Variants in POU6F2 observed in about 807,000 individuals in gnomAD.
POU6F2 encodes POU class 6 homeobox 2.
In POU6F2, 31 loss-of-function variants were observed where a neutral mutation model predicts 71.3. The observed-to-expected ratio is 0.43, with a 90% CI of 0.33 to 0.59. The LOEUF is 0.59. Among genes scored for constraint, POU6F2 ranks in the 20% least tolerant of loss-of-function variants. POU6F2 has a pLI of 0.04. For missense variants in POU6F2, 783 were observed against 856.8 expected (o/e 0.91, Z 1.07); for synonymous variants, 347 against 355.7 (o/e 0.98, Z 0.27).
At position 39,460,011 on chromosome 7, in the gene POU6F2, G is replaced by A. The variant is rs942023608; in HGVS notation, c.1490-536G>A. 2.0e-5 allele frequency among the ~76,000 whole-genome samples: 3 copies of A among 152,134 alleles called. No individual in the cohort carries two copies. The highest frequency in any genetic ancestry group is 2.0e-4 in the Admixed American group (3 of 15,276). ...GCATGCTCTTCTGAGGGACTAATGTGAATGTAAGAAATTAGGCAACATTAT... is the reference window on the plus strand; with the variant it reads ...GCATGCTCTTCTGAGGGACTAATGTAAATGTAAGAAATTAGGCAACATTAT... On this transcript the variant is annotated intron_variant, in intron 8 of 9. Transcript: ENST00000518318. This position sits in a 1 kb window ranked among gnomAD's most constrained non-coding sequence, Gnocchi z 4.4.
At chr7:39,056,900 C>T (rs1790540802) in intron 1 of POU6F2, among the ~76,000 whole-genome samples, 1 of 152,088 alleles carries the variant, frequency 6.6e-6, no homozygotes, top group South Asian at 2.1e-4. Flanking sequence ...GGAATGCTCC[C>T]TGAAAACATA....
chr7:39,085,577 G>GTTTTT (rs201365898), intron 1 of POU6F2, among the ~76,000 whole-genome samples: 1 of 141,292 alleles, frequency 7.1e-6, no homozygotes, highest in Non-Finnish European at 1.6e-5. Flanking sequence ...TTTCAAAGAA[G>GTTTTT]TTTTTTTTTT....
chr7:38,995,192 G>T (rs2128697608), intron 1 of POU6F2, among the ~76,000 whole-genome samples: 1 of 152,266 alleles, frequency 6.6e-6, no homozygotes, highest in East Asian at 1.9e-4. Context: ...AGATTCCTTG[G>T]GAATTCATGA....
At chr7:39,233,675 A>G (rs1198876398) in intron 4 of POU6F2, among the ~76,000 whole-genome samples, 2 of 152,176 alleles carry the variant, frequency 1.3e-5, no homozygotes, top group Non-Finnish European at 2.9e-5. Flanking sequence ...GCCACTGGCC[A>G]GAGTCCTGTG....
intron 2 of POU6F2, 133 bp from the exon 3 acceptor site, chr7:39,204,102 C>T: frequency 1.3e-6 from 1 of 746,780 alleles, no homozygotes; most frequent in South Asian, 1.6e-5. Context: ...ATTATGTATG[C>T]AGTTGATAAG....
chr7:39,007,856 T>C (rs1401150365), intron 1 of POU6F2, among the ~76,000 whole-genome samples: 1 of 151,620 alleles, frequency 6.6e-6, no homozygotes, highest in African/African-American at 2.4e-5. Flanking sequence ...GGACATGAAC[T>C]CATCATTTTT....
At chr7:39,021,163 G>A (rs1789672261) in intron 1 of POU6F2, among the ~76,000 whole-genome samples, 1 of 151,530 alleles carries the variant, frequency 6.6e-6, no homozygotes, top group African/African-American at 2.4e-5. Flanking sequence ...ATATTTATGG[G>A]GTACACTGTA....
intron 2 of POU6F2, among the ~76,000 whole-genome samples, chr7:39,150,992 C>G (rs1057471452): frequency 3.3e-5 from 5 of 151,712 alleles, no homozygotes; most frequent in African/African-American, 9.7e-5. Flanking sequence ...AAAAAAAATT[C>G]TTCTGATAAT....
intron 1 of POU6F2, among the ~76,000 whole-genome samples, chr7:39,030,186 A>C (rs183532857): frequency 3.0e-4 from 45 of 152,038 alleles, no homozygotes. Context: ...TCATGAATTA[A>C]ATGTATATAA....
chr7:39,000,263 C>T (rs1282353564), intron 1 of POU6F2, among the ~76,000 whole-genome samples: 1 of 152,134 alleles, frequency 6.6e-6, no homozygotes, highest in Admixed American at 6.6e-5. Context: ...TTACTTGAAG[C>T]TTATAGATAT....
chr7:39,421,942 G>A (rs1320092927), intron 6 of POU6F2, among the ~76,000 whole-genome samples: 1 of 152,160 alleles, frequency 6.6e-6, no homozygotes, highest in East Asian at 1.9e-4. Flanking sequence ...AGATATTTTT[G>A]CTGGTATTAA....
chr7:39,315,994 G>T (rs894784098), intron 4 of POU6F2, among the ~76,000 whole-genome samples: 11 of 152,206 alleles, frequency 7.2e-5, no homozygotes, highest in Non-Finnish European at 1.6e-4. Flanking sequence ...GTTGGGAGCA[G>T]CTTGAGGAGG....
intron 7 of POU6F2, among the ~76,000 whole-genome samples, chr7:39,448,990 T>C (rs1471720729): frequency 6.6e-6 from 1 of 152,264 alleles, no homozygotes; most frequent in Non-Finnish European, 1.5e-5. Context: ...GATTATGTGC[T>C]CAGCAGTTTG....
chr7:39,047,206 T>C (rs1054234825), intron 1 of POU6F2, among the ~76,000 whole-genome samples: 2 of 151,940 alleles, frequency 1.3e-5, no homozygotes, highest in Admixed American at 1.3e-4. Context: ...CATTTATGTA[T>C]AAATTTTATA....
At chr7:38,979,429 T>C (rs1350211411) in intron 1 of POU6F2, among the ~76,000 whole-genome samples, 1 of 152,182 alleles carries the variant, frequency 6.6e-6, no homozygotes, top group Non-Finnish European at 1.5e-5. Context: ...CATAATACCA[T>C]GTTTTCACAG....
At chr7:39,361,360 G>T (rs1482675322) in intron 5 of POU6F2, among the ~76,000 whole-genome samples, 1 of 152,192 alleles carries the variant, frequency 6.6e-6, no homozygotes, top group African/African-American at 2.4e-5. Context: ...AGGAGAAGAG[G>T]CAAGGCTGTC....
At chr7:39,052,977 G>A (rs959186034) in intron 1 of POU6F2, among the ~76,000 whole-genome samples, 2 of 152,094 alleles carry the variant, frequency 1.3e-5, no homozygotes, top group African/African-American at 4.8e-5. Flanking sequence ...AGCAGCATCA[G>A]CATCACTTGG....
chr7:39,230,473 G>T (rs1376491556), intron 4 of POU6F2, among the ~76,000 whole-genome samples: 1 of 149,638 alleles, frequency 6.7e-6, no homozygotes, highest in Non-Finnish European at 1.5e-5. Context: ...GACAGCATAA[G>T]ACCCTGTTTT....
chr7:39,296,468 G>A (rs895207549), intron 4 of POU6F2, among the ~76,000 whole-genome samples: 6 of 152,062 alleles, frequency 3.9e-5, no homozygotes, highest in African/African-American at 1.2e-4. Flanking sequence ...TGTTTTCCAC[G>A]CTGCAACCAG....
Sources: allele counts gnomAD v4.1 joint callset (sites outside exome capture counted in the v4.1 genomes callset), GRCh38; gene constraint gnomAD v4.1.1; non-coding constraint Gnocchi (gnomAD v3.1); transcripts MANE v1.5; gene names NCBI Gene and HGNC (gene_info 2026-07-23, HGNC 2026-07-21).